Variants in RASA1 observed in about 807,000 individuals in gnomAD.
The protein encoded by RASA1 is RAS p21 protein activator 1.
A neutral mutation model predicts 132.2 loss-of-function variants in RASA1; 25 were observed. That is an observed-to-expected ratio of 0.19 (90% CI 0.14 to 0.26). The LOEUF is 0.26. RASA1 is among the 10% of genes least tolerant of loss of function. The pLI, the probability that RASA1 is intolerant of heterozygous loss-of-function variation, is 1.00. For missense variants in RASA1, 964 were observed against 1,299.2 expected, an observed-to-expected ratio of 0.74 and a Z score of 3.97; for synonymous variants, 477 against 449.9, an observed-to-expected ratio of 1.06 and a Z score of -0.76.
intron 9 of RASA1, among the ~76,000 whole-genome samples, chr5:87,356,422 C>T (rs189873794): frequency 6.7e-5 from 10 of 150,326 alleles, no homozygotes; most frequent in Admixed American, 2.0e-4. Context: ...CAGGGTCTTG[C>T]GCTGTGGCTG....
chr5:87,269,014 A>T (rs1753701855), intron 1 of RASA1, 24 bp downstream of exon 1: 11 of 1,614,106 alleles, frequency 6.8e-6, no homozygotes, highest in Non-Finnish European at 5.9e-6. Context: ...GCTGTTCAGG[A>T]ATTTGGGAAG....
intron 11 of RASA1, among the ~76,000 whole-genome samples, chr5:87,366,883 T>C (rs1403874436): frequency 2.6e-5 from 4 of 151,978 alleles, no homozygotes; most frequent in African/African-American, 9.7e-5. Context: ...AATTAAAAAA[T>C]TAGCCAGGTG....
At chr5:87,345,443 T>C (rs555528321) in intron 6 of RASA1, among the ~76,000 whole-genome samples, 4 of 152,250 alleles carry the variant, frequency 2.6e-5, no homozygotes, top group African/African-American at 9.6e-5. Flanking sequence ...AATATAAAAA[T>C]CCTGCTCTAG....
At chr5:87,361,876 A>G (rs1023163410) in intron 9 of RASA1, among the ~76,000 whole-genome samples, 1 of 152,164 alleles carries the variant, frequency 6.6e-6, no homozygotes, top group Non-Finnish European at 1.5e-5. Flanking sequence ...ACATCCTACA[A>G]TAAATATGGC....
chr5:87,383,480 T>C (rs1056998100), intron 20 of RASA1, among the ~76,000 whole-genome samples: 2 of 152,074 alleles, frequency 1.3e-5, no homozygotes, highest in African/African-American at 4.8e-5. Context: ...ACATTCTAAA[T>C]TGGGAAAAGT....
chr5:87,277,105 C>G lies in RASA1; in HGVS notation c.539+8115C>G, dbSNP rs192419791. On this transcript the variant is annotated intron_variant, in intron 1 of 24. Coordinates refer to ENST00000274376, the MANE Select transcript of RASA1 (RefSeq NM_002890.3). ...TTTATATAGATTATCTTATTTAATT[C>G]TTACAATGATATAGTGAGAATGGGC... Among the ~76,000 whole-genome samples the G allele has an allele frequency of 2.0e-3, 299 of 152,074 alleles. 3 individuals carry two copies. The highest frequency in any genetic ancestry group is 6.8e-3 in the African/African-American group (284 of 41,492).
At position 87,387,245 on chromosome 5, in the gene RASA1, C is replaced by T. The variant is rs555204464; in HGVS notation, c.2925+342C>T. ...CCTCCTTAGCTTTTTTACTTTGCTGCTACTATGTGGGGCGTGAAGCAAGAC... is the reference window on the plus strand; with the variant it reads ...CCTCCTTAGCTTTTTTACTTTGCTGTTACTATGTGGGGCGTGAAGCAAGAC... On this transcript the variant is annotated intron_variant, in intron 23 of 24. Transcript: ENST00000274376. 2.6e-5 allele frequency among the ~76,000 whole-genome samples: 4 copies of T among 152,106 alleles called. No homozygotes were observed. In the East Asian group the frequency reaches 7.7e-4, roughly 29 times the overall value.
chr5:87,389,239 G>A, intron 23 of RASA1, 154 bp from the exon 24 acceptor site: 1 of 853,462 alleles, frequency 1.2e-6, no homozygotes, highest in Non-Finnish European at 1.8e-6. Flanking sequence ...GCTGAGGCAG[G>A]AGAATCGCTT....
intron 5 of RASA1, among the ~76,000 whole-genome samples, chr5:87,340,424 T>C (rs1297301356): frequency 6.6e-6 from 1 of 152,104 alleles, no homozygotes; most frequent in Non-Finnish European, 1.5e-5. Flanking sequence ...TTATAGTTTT[T>C]TTTTTTAAGC....
At chr5:87,372,353 G>A (rs190270029) in intron 13 of RASA1, among the ~76,000 whole-genome samples, 158 bp downstream of exon 13, 13 of 152,212 alleles carry the variant, frequency 8.5e-5, no homozygotes, top group Admixed American at 6.5e-4. Context: ...CTTTATGAAA[G>A]AGAATGTTCT....
chr5:87,275,490 G>A (rs1754023319), intron 1 of RASA1, among the ~76,000 whole-genome samples: 1 of 152,062 alleles, frequency 6.6e-6, no homozygotes. Context: ...CCTCAACTGG[G>A]ATGGCTGGAG....
chr5:87,359,636 T>C (rs139819837), intron 9 of RASA1, among the ~76,000 whole-genome samples: 3 of 152,336 alleles, frequency 2.0e-5, no homozygotes. Flanking sequence ...GCCATCACCA[T>C]TGAACTAAAG....
At chr5:87,390,264 T>G (rs1014126286) in intron 24 of RASA1, among the ~76,000 whole-genome samples, 3 of 152,148 alleles carry the variant, frequency 2.0e-5, no homozygotes, top group Non-Finnish European at 4.4e-5. Flanking sequence ...ACAGGGACAG[T>G]TTTGACTAGT....
chr5:87,302,529 G>GT (rs983005477), intron 1 of RASA1, among the ~76,000 whole-genome samples: 3 of 149,164 alleles, frequency 2.0e-5, no homozygotes, highest in Middle Eastern at 3.4e-3. Context: ...AATTTTATCA[G>GT]TTTTTTCTCT....
At chr5:87,304,338 A>C (rs1755510508) in intron 1 of RASA1, among the ~76,000 whole-genome samples, 1 of 152,202 alleles carries the variant, frequency 6.6e-6, no homozygotes, top group Admixed American at 6.5e-5. Flanking sequence ...TACAACATGT[A>C]TCATTGACTT....
chr5:87,293,350 G>A (rs991239971), intron 1 of RASA1, among the ~76,000 whole-genome samples: 2 of 151,764 alleles, frequency 1.3e-5, no homozygotes, highest in African/African-American at 4.8e-5. Flanking sequence ...TGGATTTTCT[G>A]CATCTATTAA....
intron 23 of RASA1, 172 bp from the exon 24 acceptor site, chr5:87,389,221 C>T: frequency 1.5e-6 from 1 of 677,916 alleles, no homozygotes; most frequent in South Asian, 1.8e-5. Flanking sequence ...ATCCCAGCTA[C>T]TTGGGAGGCT....
At chr5:87,367,607 T>C (rs1180956208) in intron 11 of RASA1, among the ~76,000 whole-genome samples, 1 of 152,214 alleles carries the variant, frequency 6.6e-6, no homozygotes, top group African/African-American at 2.4e-5. Context: ...ACTTCTAACT[T>C]TTAATACTGC....
At chr5:87,371,651 AT>A (rs769032137) in intron 12 of RASA1, among the ~76,000 whole-genome samples, 3 of 152,120 alleles carry the variant, frequency 2.0e-5, no homozygotes, top group Non-Finnish European at 2.9e-5. Flanking sequence ...GTATAGATTA[AT>A]ATGCTTGTCA....
Sources: gnomAD v4.1 joint callset for allele counts (sites outside exome capture counted in the v4.1 genomes callset) on GRCh38, gnomAD v4.1.1 for gene constraint, MANE v1.5 for transcripts, NCBI Gene and HGNC (gene_info 2026-07-23, HGNC 2026-07-21) for gene names.